Variants in KIRREL3 observed in about 807,000 individuals in gnomAD.
KIRREL3 encodes kirre like nephrin family adhesion molecule 3.
Under a neutral mutation model 89.7 loss-of-function variants are expected in KIRREL3, and 36 were observed. That is an observed-to-expected ratio of 0.40 (90% confidence interval 0.31 to 0.53). The LOEUF (loss-of-function observed/expected upper bound fraction) is 0.53, where lower values mean the gene tolerates loss of function less well. Among genes scored for constraint, KIRREL3 ranks in the 20% least tolerant of loss-of-function variants. The probability of loss-of-function intolerance (pLI) is 0.49; values close to 1 mark genes in which losing one functional copy is unlikely to be tolerated. For synonymous variants in KIRREL3, 445 were observed against 441.4 expected (o/e 1.01, Z -0.10); for missense variants, 864 against 1,056.6 (o/e 0.82, Z 2.53).
In KIRREL3 at chr11:126,489,347, C is replaced by T. The variant is rs1957449602; in HGVS notation, c.434-15881G>A. On this transcript the variant is annotated intron_variant, in intron 4 of 16. Coordinates refer to ENST00000525144, the MANE Select transcript of KIRREL3 (RefSeq NM_032531.4). This position sits in a 1 kb window ranked among gnomAD's most constrained non-coding sequence, Gnocchi z 5.5. ...AGCAGGTGCTCAACAGATGAGCACC[C>T]CATCAATGATGGAAGGGTAAGAAGA... Among the ~76,000 whole-genome samples the T allele has an allele frequency of 6.6e-6, 1 of 152,070 alleles. No individual in the cohort carries two copies. The highest frequency in any genetic ancestry group is 2.4e-5 in the African/African-American group (1 of 41,394).
rs80215411 is a variant in KIRREL3, at chr11:126,601,789, C to T, written c.56-38877G>A. Among the ~76,000 whole-genome samples the T allele has an allele frequency of 7.5e-3, 1,137 of 152,282 alleles. 17 individuals carry two copies. The highest frequency in any genetic ancestry group is 0.026 in the African/African-American group (1,081 of 41,546). On this transcript the variant is annotated intron_variant, in intron 1 of 16. Transcript: ENST00000525144. This position sits in a 1 kb window ranked among gnomAD's most constrained non-coding sequence, Gnocchi z 5.8. ...CATCCCCCTGAATTCCATCCCCTGC[C>T]GCGTCCATTTCTAGGAGCTCCATTC...
intron 1 of KIRREL3, among the ~76,000 whole-genome samples, chr11:126,972,512 G>T (rs1235647577): frequency 2.6e-5 from 4 of 152,178 alleles, no homozygotes; most frequent in African/African-American, 9.7e-5. Context: ...AAAAGGGTAG[G>T]CCAATATTCC....
chr11:126,970,448 G>A lies in KIRREL3; in HGVS notation c.55+30007C>T, dbSNP rs1027150368. 2.6e-5 allele frequency among the ~76,000 whole-genome samples: 4 copies of A among 152,060 alleles called. No individual in the cohort carries two copies. Among genetic ancestry groups the A allele is most frequent in the African/African-American group, 7.2e-5 (3 of 41,394 alleles). ...AAACAGAAGACCCTAGGTGTGTAGCGACATTAGACAAAAAGTAACCAGTAC... is the reference window on the plus strand; with the variant it reads ...AAACAGAAGACCCTAGGTGTGTAGCAACATTAGACAAAAAGTAACCAGTAC... On this transcript the variant is annotated intron_variant, in intron 1 of 16. Coordinates refer to ENST00000525144, the MANE Select transcript of KIRREL3 (RefSeq NM_032531.4). The surrounding 1 kb of genome is among the most constrained non-coding windows in gnomAD (Gnocchi z 4.4).
intron 2 of KIRREL3, among the ~76,000 whole-genome samples, chr11:126,538,710 G>A (rs567322545): frequency 1.6e-4 from 24 of 152,230 alleles, no homozygotes; most frequent in African/African-American, 5.3e-4. Flanking sequence ...CACTGTTTCA[G>A]CTCTCAGGAT....
At position 126,431,461 on chromosome 11, in the gene KIRREL3, T is replaced by C. The variant is rs912545995; in HGVS notation, c.1654A>G (p.Met552Val). ...CAGCAGAACGCCACGATGGTTGCCA[T>C]AAGGACGAGGAAGGCCACACCAGCT... is the stretch of plus-strand genomic sequence containing the variant. ...VGAGVAFLVL[M>V]ATIVAFCCAR... Residue 552 changes from methionine (M) to valine (V), a missense_variant, in exon 14 of 17, where the codon ATG becomes GTG. Met to Val is a conservative substitution (Grantham distance 21, BLOSUM62 1). Coordinates refer to ENST00000525144, the MANE Select transcript of KIRREL3 (RefSeq NM_032531.4). This position sits in a 1 kb window ranked among gnomAD's most constrained non-coding sequence, Gnocchi z 7.1. 2 of 1,613,956 alleles carry C rather than the reference T, an allele frequency of 1.2e-6. No homozygotes were observed. The highest frequency in any genetic ancestry group is 1.7e-6 in the Non-Finnish European group (2 of 1,179,894).
Position 126,432,592 on chromosome 11 carries a change from A to C in KIRREL3, c.1589-1066T>G. On this transcript the variant is annotated intron_variant, in intron 13 of 16. Transcript: ENST00000525144. This position sits in a 1 kb window ranked among gnomAD's most constrained non-coding sequence, Gnocchi z 6.2. ...CCACCCCTCCACTCACCCCACTCCC[A>C]CCCCGTCCAGCTCCACCCACAGAGT... 6.9e-6 allele frequency among the ~76,000 whole-genome samples: 1 copy of C among 144,250 alleles called. No individual in the cohort carries two copies. Among genetic ancestry groups the C allele is most frequent in the Non-Finnish European group, 1.5e-5 (1 of 65,914 alleles). The allele number at this position is 144,250 out of a possible 152,430, so 94.6% of individuals were successfully genotyped here. A position where few individuals can be genotyped will look rare whatever the true frequency, so the allele number is the denominator to read the frequency against.
At chr11:126,512,925 G>T (rs1431344166) in intron 4 of KIRREL3, among the ~76,000 whole-genome samples, 1 of 152,156 alleles carries the variant, frequency 6.6e-6, no homozygotes, top group Non-Finnish European at 1.5e-5. Context: ...TGGAGAGGGC[G>T]GGCCCTGAGA....
rs1475610921 is a variant in KIRREL3 at position 126,608,275 on chromosome 11, C to T, written c.56-45363G>A. ...GGGAGCCTCCTATCCACCTGGCAGG[C>T]GTTTGGAACAACGTGCTGAATAACA... On this transcript the variant is annotated intron_variant, in intron 1 of 16. Coordinates refer to ENST00000525144, the MANE Select transcript of KIRREL3 (RefSeq NM_032531.4). This position sits in a 1 kb window ranked among gnomAD's most constrained non-coding sequence, Gnocchi z 4.9. Among the ~76,000 whole-genome samples the T allele has an allele frequency of 2.6e-5, 4 of 152,166 alleles. No homozygotes were observed. The highest frequency in any genetic ancestry group is 7.2e-5 in the African/African-American group (3 of 41,436).
At chr11:126,586,821 C>A (rs906950711) in intron 1 of KIRREL3, among the ~76,000 whole-genome samples, 3 of 152,040 alleles carry the variant, frequency 2.0e-5, no homozygotes, top group African/African-American at 4.8e-5. Flanking sequence ...TCTGCTGGGG[C>A]CTCCTTGGTA....
At chr11:126,762,560 C>G (rs1949697920) in intron 1 of KIRREL3, among the ~76,000 whole-genome samples, 2 of 152,182 alleles carry the variant, frequency 1.3e-5, no homozygotes, top group African/African-American at 4.8e-5. Context: ...CCAGATGAAG[C>G]CTTTCCCATC....
intron 1 of KIRREL3, among the ~76,000 whole-genome samples, chr11:126,751,623 C>T (rs1949339434): frequency 6.6e-6 from 1 of 151,396 alleles, no homozygotes; most frequent in Non-Finnish European, 1.5e-5. Flanking sequence ...GTAATCATCG[C>T]AATATCTGCT....
chr11:126,915,076 G>T (rs1202898004), intron 1 of KIRREL3, among the ~76,000 whole-genome samples: 1 of 152,034 alleles, frequency 6.6e-6, no homozygotes, highest in Non-Finnish European at 1.5e-5. Flanking sequence ...TATGAAAAAA[G>T]ACATGATTAC....
At chr11:126,720,520 A>C (rs962724308) in intron 1 of KIRREL3, among the ~76,000 whole-genome samples, 6 of 152,248 alleles carry the variant, frequency 3.9e-5, no homozygotes, top group Non-Finnish European at 7.3e-5. Context: ...TAAGGAAATA[A>C]AAGCATTAGG....
chr11:126,819,642 C>A (rs550297486), intron 1 of KIRREL3, among the ~76,000 whole-genome samples: 2 of 152,346 alleles, frequency 1.3e-5, no homozygotes, highest in East Asian at 3.9e-4. Context: ...TTGCAAGACA[C>A]TAGAGGAGGC....
chr11:126,774,409 C>G (rs1468179097), intron 1 of KIRREL3, among the ~76,000 whole-genome samples: 4 of 152,090 alleles, frequency 2.6e-5, no homozygotes, highest in Non-Finnish European at 5.9e-5. Context: ...CCTCCTTGGC[C>G]TTTGACTTTG....
chr11:126,824,647 T>G (rs897383003), intron 1 of KIRREL3, among the ~76,000 whole-genome samples: 2 of 152,230 alleles, frequency 1.3e-5, no homozygotes, highest in Non-Finnish European at 2.9e-5. Flanking sequence ...AGACAAATGG[T>G]TGCATTATTT....
chr11:126,596,050 A>T (rs911968834), intron 1 of KIRREL3, among the ~76,000 whole-genome samples: 1 of 152,202 alleles, frequency 6.6e-6, no homozygotes, highest in Non-Finnish European at 1.5e-5. Flanking sequence ...AAGGCAGGAA[A>T]GTCTCCCAGG....
In KIRREL3 at chr11:126,541,484, G is replaced by A. The variant is rs1057336304; in HGVS notation, c.134-14797C>T. On this transcript the variant is annotated intron_variant, in intron 2 of 16. Coordinates refer to ENST00000525144, the MANE Select transcript of KIRREL3 (RefSeq NM_032531.4). The surrounding 1 kb of genome is among the most constrained non-coding windows in gnomAD (Gnocchi z 4.8). ...GTCTCTCAAGGACACTTGGCCTTTT[G>A]GGGGCTCAGATCTATATCCTAAACA... is the stretch of plus-strand genomic sequence containing the variant. Among the ~76,000 whole-genome samples the A allele has an allele frequency of 6.6e-6, 1 of 152,118 alleles. No individual in the cohort carries two copies. The highest frequency in any genetic ancestry group is 2.4e-5 in the African/African-American group (1 of 41,396).
Position 126,764,701 on chromosome 11 carries a change from G to A in KIRREL3, c.56-201789C>T, listed in dbSNP as rs947403955. Among the ~76,000 whole-genome samples, 3 of 152,174 alleles carry A rather than the reference G, an allele frequency of 2.0e-5. No homozygotes were observed. The highest frequency in any genetic ancestry group is 7.2e-5 in the African/African-American group (3 of 41,442). On this transcript the variant is annotated intron_variant, in intron 1 of 16. Coordinates refer to ENST00000525144, the MANE Select transcript of KIRREL3 (RefSeq NM_032531.4). The surrounding 1 kb of genome is among the most constrained non-coding windows in gnomAD (Gnocchi z 4.2). Reference sequence around the variant, plus strand: ...AACTCTCTCAGTGTAGGCTCTGAATGCTGCTTTTATGTTATTGCACACATG... The same window carrying A: ...AACTCTCTCAGTGTAGGCTCTGAATACTGCTTTTATGTTATTGCACACATG...
Sources: allele counts gnomAD v4.1 joint callset (sites outside exome capture counted in the v4.1 genomes callset), GRCh38; gene constraint gnomAD v4.1.1; non-coding constraint Gnocchi (gnomAD v3.1); transcripts MANE v1.5; gene names NCBI Gene and HGNC (gene_info 2026-07-23, HGNC 2026-07-21).